The following IMMP2L variants were observed in gnomAD, a reference collection of about 807,000 sequenced individuals.
IMMP2L encodes the protein inner mitochondrial membrane peptidase subunit 2.
In IMMP2L, 18 loss-of-function variants were observed where a neutral mutation model predicts 19.3. That is an observed-to-expected ratio of 0.93 (90% CI 0.64 to 1.38). IMMP2L has a LOEUF of 1.38. IMMP2L is among the 40% of genes most tolerant of loss of function. IMMP2L has a pLI of 0.00. For missense variants in IMMP2L, 233 were observed against 218.2 expected, an observed-to-expected ratio of 1.07 and a Z score of -0.43; for synonymous variants, 76 against 73.0, an observed-to-expected ratio of 1.04 and a Z score of -0.21.
intron 1 of IMMP2L, among the ~76,000 whole-genome samples, chr7:111,523,588 T>G (rs1846557550): frequency 6.6e-6 from 1 of 152,116 alleles, no homozygotes; most frequent in African/African-American, 2.4e-5. Flanking sequence ...CTCTTGTTTT[T>G]TATACTTTTA....
chr7:111,190,516 A>G (rs1445324885), intron 3 of IMMP2L, among the ~76,000 whole-genome samples: 1 of 152,176 alleles, frequency 6.6e-6, no homozygotes, highest in East Asian at 1.9e-4. Flanking sequence ...TCACTCCGTT[A>G]TGCACCAATA....
chr7:110,882,085 G>A (rs1809698646), intron 5 of IMMP2L, among the ~76,000 whole-genome samples: 1 of 151,974 alleles, frequency 6.6e-6, no homozygotes. Flanking sequence ...CCCTAGTACT[G>A]GTAGCATCTA....
At chr7:111,367,888 G>A (rs1020629278) in intron 3 of IMMP2L, among the ~76,000 whole-genome samples, 20 of 151,590 alleles carry the variant, frequency 1.3e-4, no homozygotes, top group Non-Finnish European at 2.9e-5. Context: ...ATAGATGATA[G>A]CTATTATTTC....
At chr7:111,427,298 C>A (rs1207590934) in intron 3 of IMMP2L, among the ~76,000 whole-genome samples, 1 of 151,568 alleles carries the variant, frequency 6.6e-6, no homozygotes, top group African/African-American at 2.4e-5. Context: ...TAGGTACTAT[C>A]AAATGATCCC....
At chr7:110,867,469 A>T (rs987672260) in intron 5 of IMMP2L, among the ~76,000 whole-genome samples, 5 of 152,112 alleles carry the variant, frequency 3.3e-5, no homozygotes, top group Non-Finnish European at 5.9e-5. Context: ...AGACAATTCT[A>T]CAATAAAATG....
chr7:111,323,641 G>T (rs894829600), intron 3 of IMMP2L, among the ~76,000 whole-genome samples: 1 of 152,082 alleles, frequency 6.6e-6, no homozygotes, highest in African/African-American at 2.4e-5. Context: ...CCATTACTGG[G>T]TATATACCCA....
chr7:110,766,934 C>T (rs1182942195), intron 5 of IMMP2L, among the ~76,000 whole-genome samples: 2 of 151,998 alleles, frequency 1.3e-5, no homozygotes, highest in Non-Finnish European at 2.9e-5. Context: ...AAACTTACAG[C>T]AATTTTCATG....
chr7:111,144,845 G>T (rs1803298669), intron 3 of IMMP2L, among the ~76,000 whole-genome samples: 1 of 152,096 alleles, frequency 6.6e-6, no homozygotes, highest in Non-Finnish European at 1.5e-5. Context: ...TCTTGCAAAG[G>T]AGAAAGACAT....
intron 3 of IMMP2L, among the ~76,000 whole-genome samples, chr7:111,112,849 C>T (rs1373808380): frequency 1.3e-5 from 2 of 152,244 alleles, no homozygotes; most frequent in Admixed American, 6.5e-5. Context: ...CATCAGCTAA[C>T]CCCAGCACAC....
intron 3 of IMMP2L, among the ~76,000 whole-genome samples, chr7:111,076,932 C>A (rs1795465214): frequency 6.6e-6 from 1 of 152,100 alleles, no homozygotes; most frequent in Non-Finnish European, 1.5e-5. Flanking sequence ...TTTTATTTTT[C>A]TTCTTTCTGA....
chr7:111,453,164 T>C (rs1440024761), intron 3 of IMMP2L, among the ~76,000 whole-genome samples: 4 of 152,204 alleles, frequency 2.6e-5, no homozygotes. Flanking sequence ...CTGTGCACAC[T>C]GCAGCCTTCA....
intron 4 of IMMP2L, among the ~76,000 whole-genome samples, chr7:110,902,857 G>A (rs1167568060): frequency 2.3e-5 from 1 of 43,120 alleles, no homozygotes; most frequent in Non-Finnish European, 4.0e-5. Context: ...GCGTGAACCC[G>A]GGAGGCGGAG....
intron 3 of IMMP2L, among the ~76,000 whole-genome samples, chr7:111,301,240 T>C (rs956185600): frequency 6.6e-6 from 1 of 152,164 alleles, no homozygotes; most frequent in Admixed American, 6.6e-5. Context: ...CATCTGTATA[T>C]CTTCTTTGGT....
At chr7:110,922,724 C>T (rs945962588) in intron 4 of IMMP2L, among the ~76,000 whole-genome samples, 2 of 152,042 alleles carry the variant, frequency 1.3e-5, no homozygotes, top group Non-Finnish European at 2.9e-5. Flanking sequence ...TGAAGCTGAA[C>T]TTAGAATCAT....
At chr7:110,905,616 C>T (rs148593425) in intron 4 of IMMP2L, among the ~76,000 whole-genome samples, 5 of 152,258 alleles carry the variant, frequency 3.3e-5, no homozygotes, top group African/African-American at 9.6e-5. Flanking sequence ...AGAAGGAAAG[C>T]ATGTTCAATG....
chr7:110,830,893 G>A (rs1409683725), intron 5 of IMMP2L, among the ~76,000 whole-genome samples: 3 of 152,092 alleles, frequency 2.0e-5, no homozygotes, highest in Non-Finnish European at 4.4e-5. Context: ...CACCACAGAC[G>A]TATAGCAGCT....
chr7:111,410,967 T>C (rs1344081907), intron 3 of IMMP2L, among the ~76,000 whole-genome samples: 1 of 151,168 alleles, frequency 6.6e-6, no homozygotes, highest in Non-Finnish European at 1.5e-5. Flanking sequence ...CAAGAAAATA[T>C]TTAAAGAAAA....
chr7:111,470,709 C>G (rs1841168893), intron 3 of IMMP2L, among the ~76,000 whole-genome samples: 1 of 107,706 alleles, frequency 9.3e-6, no homozygotes, highest in African/African-American at 3.5e-5. Context: ...GAACATCACA[C>G]TCTGGGGACT....
At chr7:111,116,230 T>C (rs1480132148) in intron 3 of IMMP2L, among the ~76,000 whole-genome samples, 1 of 152,176 alleles carries the variant, frequency 6.6e-6, no homozygotes, top group Non-Finnish European at 1.5e-5. Context: ...ACATGATTTG[T>C]TTATGATCTG....
Sources: gnomAD v4.1 joint callset for allele counts (sites outside exome capture counted in the v4.1 genomes callset) on GRCh38, gnomAD v4.1.1 for gene constraint, MANE v1.5 for transcripts, NCBI Gene and HGNC (gene_info 2026-07-23, HGNC 2026-07-21) for gene names.